DOK6: variants seen among roughly 807,000 people sequenced by gnomAD.
The protein encoded by DOK6 is docking protein 6, also known as downstream of tyrosine kinase 6.
Under a neutral mutation model 44.0 loss-of-function variants are expected in DOK6, and 22 were observed. The observed-to-expected ratio is 0.50, with a 90% CI of 0.36 to 0.71. DOK6 has a LOEUF of 0.71. DOK6 is among the 30% of genes least tolerant of loss of function. The probability of loss-of-function intolerance (pLI) is 0.00; values close to 1 mark genes in which losing one functional copy is unlikely to be tolerated. For synonymous variants in DOK6, 166 were observed against 145.5 expected (o/e 1.14, Z -1.01); for missense variants, 340 against 416.4 (o/e 0.82, Z 1.60).
intron 3 of DOK6, among the ~76,000 whole-genome samples, chr18:69,657,733 A>G (rs1985405116): frequency 6.6e-6 from 1 of 152,178 alleles, no homozygotes; most frequent in African/African-American, 2.4e-5. Context: ...GGCCCAACAC[A>G]AGAAGGAAAT....
chr18:69,693,801 G>A (rs574707153), intron 4 of DOK6, among the ~76,000 whole-genome samples: 1 of 152,052 alleles, frequency 6.6e-6, no homozygotes, highest in South Asian at 2.1e-4. Flanking sequence ...GTTCACGCCT[G>A]TAATCCCAGC....
At chr18:69,797,983 T>C (rs1393733497) in intron 7 of DOK6, among the ~76,000 whole-genome samples, 1 of 152,094 alleles carries the variant, frequency 6.6e-6, no homozygotes, top group Non-Finnish European at 1.5e-5. Flanking sequence ...CAAAGCCGAA[T>C]CTAATCAAGA....
Position 69,672,220 on chromosome 18 carries a change from G to A in DOK6, c.290-5514G>A, listed in dbSNP as rs114390123. On this transcript the variant is annotated intron_variant, in intron 3 of 7. Transcript: ENST00000382713. Reference sequence around the variant, plus strand: ...GCACTTCCTACTTAGAAAACTAATCGTACCCCCATCTCTACACTGGTCAAC... The same window carrying A: ...GCACTTCCTACTTAGAAAACTAATCATACCCCCATCTCTACACTGGTCAAC... Among the ~76,000 whole-genome samples, 428 of 152,188 alleles carry A rather than the reference G, an allele frequency of 2.8e-3. 7 individuals are homozygous for A. Among genetic ancestry groups the A allele is most frequent in the African/African-American group, 1.0e-2 (414 of 41,520 alleles).
chr18:69,499,663 G>A (rs767005760), intron 1 of DOK6, among the ~76,000 whole-genome samples: 3 of 151,970 alleles, frequency 2.0e-5, no homozygotes, highest in South Asian at 2.1e-4. Context: ...CCCAGACTTC[G>A]GCTTCCTACT....
chr18:69,777,988 T>C (rs1599320798), intron 7 of DOK6: 1 of 152,030 alleles, frequency 6.6e-6, no homozygotes. Context: ...ACTAAAGTGC[T>C]CATCAAAGTA....
At chr18:69,774,561 C>T in intron 7 of DOK6, among the ~76,000 whole-genome samples, 1 of 145,100 alleles carries the variant, frequency 6.9e-6, no homozygotes. Context: ...GTGTTCTTAC[C>T]ACAGTTAAAT....
intron 3 of DOK6, chr18:69,661,076 C>G (rs1399427115): frequency 6.6e-6 from 1 of 152,172 alleles, no homozygotes; most frequent in African/African-American, 2.4e-5. Context: ...CAAATTATAT[C>G]CTGTTTTTGT....
In DOK6 at chr18:69,549,037, A is replaced by G. The variant is rs1180005611; in HGVS notation, c.67-15450A>G. Among the ~76,000 whole-genome samples the G allele has an allele frequency of 2.0e-5, 3 of 149,694 alleles. 1 individual carries two copies. Among genetic ancestry groups the G allele is most frequent in the Non-Finnish European group, 4.5e-5 (3 of 67,216 alleles). On this transcript the variant is annotated intron_variant, in intron 1 of 7. Coordinates refer to ENST00000382713, the MANE Select transcript of DOK6 (RefSeq NM_152721.6). ...GTGAACCCCGGGTGACGGAGCCTGC[A>G]GTGAGCCAAGATCGCGCCACTGCAC...
chr18:69,690,034 G>A (rs1444506784), intron 4 of DOK6, among the ~76,000 whole-genome samples: 1 of 151,922 alleles, frequency 6.6e-6, no homozygotes, highest in Non-Finnish European at 1.5e-5. Context: ...AAATCTCTAA[G>A]GTTTAACAGT....
rs184696979 is a variant in DOK6, at chr18:69,812,110, C to T, written c.857-29134C>T. Among the ~76,000 whole-genome samples the T allele has an allele frequency of 3.4e-4, 52 of 152,150 alleles. No individual in the cohort carries two copies. In the Middle Eastern group the frequency reaches 0.014, roughly 40 times the overall value. ...ATATTTAATAGAATGTTAAAGAGTGCTCATGCCATAAAGACAAATAAAGCA... is the reference window on the plus strand; with the variant it reads ...ATATTTAATAGAATGTTAAAGAGTGTTCATGCCATAAAGACAAATAAAGCA... On this transcript the variant is annotated intron_variant, in intron 7 of 7. Transcript: ENST00000382713.
intron 3 of DOK6, among the ~76,000 whole-genome samples, chr18:69,599,854 G>T (rs1240921038): frequency 6.6e-6 from 1 of 152,146 alleles, no homozygotes; most frequent in Non-Finnish European, 1.5e-5. Flanking sequence ...TCAGGGTGCT[G>T]TGCAAAAGCA....
At chr18:69,677,590 C>T in intron 3 of DOK6, 144 bp from the exon 4 acceptor site, 1 of 1,354,070 alleles carries the variant, frequency 7.4e-7, no homozygotes, top group East Asian at 2.5e-5. Context: ...CTTATTTTCA[C>T]TTCCTAAATA....
At chr18:69,620,271 G>C (rs138663931) in intron 3 of DOK6, among the ~76,000 whole-genome samples, 4 of 152,072 alleles carry the variant, frequency 2.6e-5, no homozygotes, top group Admixed American at 6.6e-5. Context: ...TATTTGCCAA[G>C]TTGTCATTTT....
At chr18:69,797,842 T>TA (rs923179034) in intron 7 of DOK6, among the ~76,000 whole-genome samples, 4 of 152,054 alleles carry the variant, frequency 2.6e-5, no homozygotes, top group East Asian at 1.9e-4. Context: ...AGTAGTGCAC[T>TA]AAAAAAAGTG....
At chr18:69,830,541 C>T (rs1981873085) in intron 7 of DOK6, among the ~76,000 whole-genome samples, 1 of 152,156 alleles carries the variant, frequency 6.6e-6, no homozygotes, top group Non-Finnish European at 1.5e-5. Context: ...GCAACCCTGC[C>T]AACACCTTGA....
intron 2 of DOK6, among the ~76,000 whole-genome samples, chr18:69,575,406 G>A (rs1185063570): frequency 1.3e-5 from 2 of 152,074 alleles, no homozygotes; most frequent in Non-Finnish European, 2.9e-5. Flanking sequence ...TAAGGTAGGT[G>A]TATATCAAAG....
chr18:69,444,061 AT>A, intron 1 of DOK6, among the ~76,000 whole-genome samples: 1 of 152,296 alleles, frequency 6.6e-6, no homozygotes, highest in South Asian at 2.1e-4. Flanking sequence ...TGTACATTAT[AT>A]ATAATTTGTC....
intron 1 of DOK6, among the ~76,000 whole-genome samples, chr18:69,405,416 A>T (rs1001894529): frequency 1.8e-4 from 27 of 152,160 alleles, no homozygotes; most frequent in Admixed American, 4.6e-4. Flanking sequence ...CATCTCTACT[A>T]AAAATTACAG....
At chr18:69,408,491 G>A (rs941960831) in intron 1 of DOK6, among the ~76,000 whole-genome samples, 1 of 150,400 alleles carries the variant, frequency 6.6e-6, no homozygotes, top group Non-Finnish European at 1.5e-5. Context: ...CAGTGTCTGG[G>A]TAGAATTTTA....
Sources: allele counts gnomAD v4.1 joint callset (sites outside exome capture counted in the v4.1 genomes callset), GRCh38; gene constraint gnomAD v4.1.1; transcripts MANE v1.5; gene names NCBI Gene and HGNC (gene_info 2026-07-23, HGNC 2026-07-21).